Variants in PMPCB observed in about 807,000 individuals in gnomAD.
PMPCB encodes the protein mitochondrial-processing peptidase subunit beta.
A neutral mutation model predicts 61.5 loss-of-function variants in PMPCB; 46 were observed. That is an observed-to-expected ratio of 0.75 (90% CI 0.59 to 0.96). PMPCB has a LOEUF of 0.96. PMPCB is among the 40% of genes least tolerant of loss of function. The pLI is 0.00. For synonymous variants in PMPCB, 191 were observed against 201.6 expected (o/e 0.95, Z 0.44); for missense variants, 590 against 602.4 (o/e 0.98, Z 0.22).
chr7:103,340,357 G>C, the PMPCB span, among the ~76,000 whole-genome samples: 5 of 152,166 alleles, frequency 3.3e-5, no homozygotes, highest in South Asian at 2.1e-4. Flanking sequence ...GGTGGTGGGA[G>C]AATCAGCTAA....
chr7:103,305,539 G>C (rs995893728), intron 6 of PMPCB, among the ~76,000 whole-genome samples: 1 of 151,998 alleles, frequency 6.6e-6, no homozygotes, highest in African/African-American at 2.4e-5. Flanking sequence ...GATTACAGGC[G>C]TGACCCACCG....
At chr7:103,317,682 AC>A (rs1334459257), downstream of PMPCB, among the ~76,000 whole-genome samples, 1 of 151,926 alleles carries the variant, frequency 6.6e-6, no homozygotes, top group Non-Finnish European at 1.5e-5. Flanking sequence ...GCAGAGTCTC[AC>A]TCTGTCGCCC....
intron 6 of PMPCB, among the ~76,000 whole-genome samples, chr7:103,307,303 T>C (rs566615590): frequency 6.6e-6 from 1 of 152,342 alleles, no homozygotes; most frequent in South Asian, 2.1e-4. Context: ...TTTTATAATT[T>C]AATAGAAAAT....
At chr7:103,300,650 C>T (rs1322321242) in intron 4 of PMPCB, among the ~76,000 whole-genome samples, 1 of 152,138 alleles carries the variant, frequency 6.6e-6, no homozygotes, top group Non-Finnish European at 1.5e-5. Flanking sequence ...GAAGAATTAA[C>T]AACAAAATTT....
rs1226694601 is a variant in PMPCB at position 103,298,561 on chromosome 7, C to G, written c.100-7C>G. 1 of 1,613,472 alleles carries G rather than the reference C, an allele frequency of 6.2e-7. No homozygotes were observed. Among genetic ancestry groups the G allele is most frequent in the Admixed American group, 1.7e-5 (1 of 59,964 alleles). ...CTTTGTCTCTTCCACTTCCTACCCC[C>G]AACCAGTCATTATATTTTGGAGAGA... On this transcript the variant is annotated splice_region_variant and splice_polypyrimidine_tract_variant and intron_variant, in intron 1 of 12. Coordinates refer to ENST00000249269, the MANE Select transcript of PMPCB (RefSeq NM_004279.3).
chr7:103,321,921 G>A (rs148392195), intron 12 of PMPCB: 3 of 1,609,444 alleles, frequency 1.9e-6, no homozygotes, highest in Non-Finnish European at 1.7e-6. Flanking sequence ...TGTTTGTTCA[G>A]TCTGATATAC....
chr7:103,309,625 G>A (rs1356159296), intron 8 of PMPCB, among the ~76,000 whole-genome samples: 1 of 152,188 alleles, frequency 6.6e-6, no homozygotes, highest in Non-Finnish European at 1.5e-5. Flanking sequence ...TTACATGAGG[G>A]CTCTAGCATC....
At position 103,312,431 on chromosome 7, in the gene PMPCB, A is replaced by G. The variant is rs896759899; in HGVS notation, c.*160A>G. On this transcript the variant is annotated 3_prime_UTR_variant, in exon 13 of 13. Coordinates refer to ENST00000249269, the MANE Select transcript of PMPCB (RefSeq NM_004279.3). ...CCCCTCTGAAGGTTGTTTTGTATTA[A>G]TGGTCAGTCTTTGTTCTCTGAGAAA... 17 of 1,513,034 alleles carry G rather than the reference A, an allele frequency of 1.1e-5. No homozygotes were observed. The African/African-American group carries it at 2.0e-4, about 18-fold the overall frequency. The allele number at this position is 1,513,034 out of a possible 1,614,324, so 93.7% of individuals were successfully genotyped here. A position where few individuals can be genotyped will look rare whatever the true frequency, so the allele number is the denominator to read the frequency against.
chr7:103,326,717 T>G lies in PMPCB; in HGVS notation c.*1432-2214T>G, dbSNP rs767154808. The G allele has an allele frequency of 2.6e-6, 4 of 1,561,574 alleles. No individual in the cohort carries two copies. The African/African-American group carries it at 4.1e-5, about 16-fold the overall frequency. On this transcript the variant is annotated intron_variant and NMD_transcript_variant, in intron 12 of 12. Coordinates refer to the PMPCB transcript ENST00000444457. Reference sequence around the variant, plus strand: ...AAAAATTGTTAAGATCACATCACCATAACTTTACCTATTTTTTCCTGCAAG... The same window carrying G: ...AAAAATTGTTAAGATCACATCACCAGAACTTTACCTATTTTTTCCTGCAAG...
At chr7:103,301,505 G>A (rs938600735) in intron 4 of PMPCB, among the ~76,000 whole-genome samples, 3 of 152,142 alleles carry the variant, frequency 2.0e-5, no homozygotes, top group Non-Finnish European at 2.9e-5. Context: ...GAACAACAGG[G>A]AAGGCAAAAA....
chr7:103,303,639 A>G (rs1332636696), intron 4 of PMPCB, among the ~76,000 whole-genome samples: 5 of 152,204 alleles, frequency 3.3e-5, no homozygotes, highest in Non-Finnish European at 7.3e-5. Context: ...TTTTTCCCCA[A>G]GGAAAAAATC....
rs1817847661 is a variant in PMPCB at position 103,313,096 on chromosome 7, A to G, written c.*825A>G. On this transcript the variant is annotated 3_prime_UTR_variant, in exon 13 of 13. Coordinates refer to ENST00000249269, the MANE Select transcript of PMPCB (RefSeq NM_004279.3). ...GTTGTCCAAGGGGTGAAGTCTGTAT[A>G]TGGACCTGATTAAGAAAAATTTTTA... 2.5e-6 allele frequency: 4 copies of G among 1,597,550 alleles called. No individual in the cohort carries two copies. Among genetic ancestry groups the G allele is most frequent in the Admixed American group, 1.8e-5 (1 of 54,594 alleles).
intron 12 of PMPCB, among the ~76,000 whole-genome samples, chr7:103,328,199 G>A (rs574722532): frequency 2.2e-5 from 3 of 137,870 alleles, no homozygotes; most frequent in East Asian, 3.9e-4. Flanking sequence ...TGGGATTACA[G>A]GTGTGAGCCA....
chr7:103,329,046 C>G, exon 13 of PMPCB: 1 of 1,198,474 alleles, frequency 8.3e-7, no homozygotes, highest in South Asian at 1.4e-5. Context: ...AGCCACAGTA[C>G]GTCTAATTAT....
chr7:103,325,900 C>T (rs150732910), intron 12 of PMPCB, among the ~76,000 whole-genome samples: 10 of 152,054 alleles, frequency 6.6e-5, no homozygotes, highest in South Asian at 6.2e-4. Context: ...AGTAGTATAC[C>T]GATTGATAAA....
chr7:103,323,471 A>G, intron 12 of PMPCB: 1 of 1,018,838 alleles, frequency 9.8e-7, no homozygotes, highest in Non-Finnish European at 1.3e-6. Context: ...CAAAATATTA[A>G]AAAATTGTTT....
the PMPCB span, chr7:103,344,366 C>A: frequency 1.6e-6 from 1 of 614,844 alleles, no homozygotes; most frequent in Non-Finnish European, 2.8e-6. Context: ...GAAGGCACCC[C>A]TCACCCTCCT....
At chr7:103,321,108 G>A (rs185288321) in intron 12 of PMPCB, among the ~76,000 whole-genome samples, 44 of 152,094 alleles carry the variant, frequency 2.9e-4, no homozygotes, top group Non-Finnish European at 5.4e-4. Flanking sequence ...CAAGGCATGA[G>A]AATGGCTTGA....
chr7:103,311,529 A>G (rs1817751930), intron 9 of PMPCB, 114 bp from the exon 10 acceptor site: 1 of 707,330 alleles, frequency 1.4e-6, no homozygotes, highest in South Asian at 1.9e-5. Flanking sequence ...TAGCATTGGA[A>G]TTAAATTGTA....
Sources: gnomAD v4.1 joint callset for allele counts (sites outside exome capture counted in the v4.1 genomes callset) on GRCh38, gnomAD v4.1.1 for gene constraint, MANE v1.5 for transcripts, NCBI Gene and HGNC (gene_info 2026-07-23, HGNC 2026-07-21) for gene names.